The following ZMYND8 variants were observed in gnomAD, a reference collection of about 807,000 sequenced individuals.
The protein encoded by ZMYND8 is MYND-type zinc finger-containing chromatin reader ZMYND8.
In ZMYND8, 37 loss-of-function variants were observed where a neutral mutation model predicts 140.8. The ratio of observed to expected loss-of-function variants is 0.26; its 90% confidence interval spans 0.20 to 0.35. The LOEUF is 0.35. Among genes scored for constraint, ZMYND8 ranks in the 10% least tolerant of loss-of-function variants. ZMYND8 has a pLI of 1.00. For missense variants in ZMYND8, 1,068 were observed against 1,570.0 expected (o/e 0.68, Z 5.40); for synonymous variants, 592 against 597.1 (o/e 0.99, Z 0.12).
chr20:47,317,547 G>A (rs916877560), intron 2 of ZMYND8, among the ~76,000 whole-genome samples: 12 of 152,238 alleles, frequency 7.9e-5, no homozygotes, highest in Non-Finnish European at 1.5e-4. Context: ...TTGTGTTTTT[G>A]TGGGTGTTTA....
chr20:47,347,117 T>TG (rs2082401536), intron 2 of ZMYND8, among the ~76,000 whole-genome samples: 1 of 152,190 alleles, frequency 6.6e-6, no homozygotes, highest in African/African-American at 2.4e-5. Context: ...GAAAACACCT[T>TG]GGTACAACCA....
At chr20:47,279,384 T>C (rs888503824) in intron 10 of ZMYND8, among the ~76,000 whole-genome samples, 2 of 151,916 alleles carry the variant, frequency 1.3e-5, no homozygotes, top group Non-Finnish European at 2.9e-5. Flanking sequence ...GTGGGAGAAT[T>C]GCTTGAATGA....
chr20:47,236,502 CCTT>C lies in ZMYND8; in HGVS notation c.2677_2679del (p.Lys893del). 2.5e-6 allele frequency: 4 copies of C among 1,579,424 alleles called. No homozygotes were observed. In the East Asian group the frequency reaches 6.8e-5, roughly 27 times the overall value. On this transcript the variant is annotated inframe_deletion, in exon 16 of 23. Transcript: ENST00000471951. ...GACGTGGATGGGCTCTGTGTGATCT[CCTT>C]CTGCTGGACAGCTAGGAAGGCAAAG...
intron 12 of ZMYND8, among the ~76,000 whole-genome samples, chr20:47,259,871 C>T (rs1443406647): frequency 6.6e-6 from 1 of 152,148 alleles, no homozygotes; most frequent in African/African-American, 2.4e-5. Context: ...ATTTCAAGAA[C>T]TACCACTCTA....
rs369654557 is a variant in ZMYND8, at chr20:47,255,722, GTATATATATATA to G, written c.1622-6295_1622-6284del. Among the ~76,000 whole-genome samples the G allele has an allele frequency of 5.0e-3, 390 of 77,744 alleles. 12 individuals are homozygous for G. The highest frequency in any genetic ancestry group is 0.02 in the African/African-American group (346 of 17,194). 51.0% of individuals were successfully genotyped at this position (77,744 alleles called of 152,430 possible). A position where few individuals can be genotyped will look rare whatever the true frequency, so the allele number is the denominator to read the frequency against. On this transcript the variant is annotated intron_variant, in intron 12 of 22. Transcript: ENST00000471951. ...ATATATATATATACCGTGTATGTGT[GTATATATATATA>G]TATATATATATATATATATATATAT...
Position 47,262,410 on chromosome 20 carries a change from T to C in ZMYND8, c.1499A>G (p.Lys500Arg), listed in dbSNP as rs538333411. 1 of 1,614,112 alleles carries C rather than the reference T, an allele frequency of 6.2e-7. No homozygotes were observed. The highest frequency in any genetic ancestry group is 1.1e-5 in the South Asian group (1 of 91,080). ...GGATAAACTCCCTGCTTGTCCCGTC[T>C]TGGTGGAGGCTGGTGAAGCTGAAAA... ...DKSTASPAST[K>R]TGQAGSLSGS... Residue 500 changes from lysine (K) to arginine (R), a missense_variant, in exon 12 of 23, where the codon AAG becomes AGG. By Grantham distance (26) the Lys-to-Arg change is conservative (BLOSUM62 2). Around this residue, in one of 10 missense-constraint regions of ZMYND8, gnomAD observed 173 missense variants for 223.3 expected, o/e 0.77. Transcript: ENST00000471951.
At chr20:47,349,522 C>T (rs2082600962) in intron 1 of ZMYND8, among the ~76,000 whole-genome samples, 3 of 152,304 alleles carry the variant, frequency 2.0e-5, no homozygotes, top group South Asian at 4.1e-4. Context: ...AAAACATTCT[C>T]AACTCAGAAA....
rs2147796014 is a variant in ZMYND8, at chr20:47,276,469, C to T, written c.1325G>A (p.Arg442His). ...SKPVLSGGTGRRISLSDMPRS... is the reference protein window; with the variant it reads ...SKPVLSGGTGHRISLSDMPRS... Reference sequence around the variant, plus strand: ...CGGCATATCCGACAAGGAAATCCGGCGGCCTGTGCCCCCACTCAGCACAGG... The same window carrying T: ...CGGCATATCCGACAAGGAAATCCGGTGGCCTGTGCCCCCACTCAGCACAGG... Residue 442 changes from arginine (R) to histidine (H), a missense_variant, in exon 11 of 23, where the codon CGC becomes CAC. By Grantham distance (29) the Arg-to-His change is conservative. Transcript: ENST00000471951. 5.0e-6 allele frequency: 8 copies of T among 1,613,938 alleles called. No homozygotes were observed. Among genetic ancestry groups the T allele is most frequent in the Non-Finnish European group, 5.1e-6 (6 of 1,179,954 alleles).
intron 2 of ZMYND8, among the ~76,000 whole-genome samples, chr20:47,311,269 T>C (rs1329370481): frequency 1.3e-5 from 2 of 152,296 alleles, no homozygotes; most frequent in Non-Finnish European, 2.9e-5. Context: ...AGCCCCACTC[T>C]TGTTCATGCA....
Position 47,252,084 on chromosome 20 carries a change from G to C in ZMYND8, c.1622-2645C>G, listed in dbSNP as rs764065217. The stretch of plus-strand genomic sequence containing the variant: ...CAAGGCGGGAGGATCACTTGAGGTC[G>C]GGGGTTCAAGATCCGCCTGGCTAAC... On this transcript the variant is annotated intron_variant, in intron 12 of 22. Coordinates refer to ENST00000471951, the MANE Select transcript of ZMYND8 (RefSeq NM_001281775.3). Among the ~76,000 whole-genome samples the C allele has an allele frequency of 3.3e-5, 5 of 151,842 alleles. No homozygotes were observed. The South Asian group carries it at 6.2e-4, about 19-fold the overall frequency.
intron 3 of ZMYND8, among the ~76,000 whole-genome samples, chr20:47,302,935 A>G (rs1373042978): frequency 2.0e-5 from 3 of 152,042 alleles, no homozygotes; most frequent in Non-Finnish European, 2.9e-5. Context: ...CCAGAAAAGT[A>G]TTTGTTGTGG....
intron 11 of ZMYND8, among the ~76,000 whole-genome samples, chr20:47,264,910 G>A (rs377044865): frequency 2.6e-5 from 4 of 151,748 alleles, no homozygotes; most frequent in African/African-American, 4.8e-5. Flanking sequence ...GGTGGCACAC[G>A]CCTGTAGTCT....
chr20:47,266,013 T>C (rs2075494718), intron 11 of ZMYND8, among the ~76,000 whole-genome samples: 1 of 152,122 alleles, frequency 6.6e-6, no homozygotes, highest in Non-Finnish European at 1.5e-5. Flanking sequence ...TCCTAAGGCA[T>C]CTGGGACTGC....
At chr20:47,224,601 C>G (rs2037424572) in intron 18 of ZMYND8, 45 bp from the exon 19 acceptor site, 1 of 1,605,846 alleles carries the variant, frequency 6.2e-7, no homozygotes, top group Admixed American at 1.7e-5. Flanking sequence ...TGACCCCAGC[C>G]TGGGGTGTGG....
chr20:47,227,197 C>G lies in ZMYND8; in HGVS notation c.3016+6G>C. 1 of 1,614,160 alleles carries G rather than the reference C, an allele frequency of 6.2e-7. No homozygotes were observed. The highest frequency in any genetic ancestry group is 1.1e-5 in the South Asian group (1 of 91,088). On this transcript the variant is annotated splice_donor_region_variant and intron_variant, in intron 18 of 22. Transcript: ENST00000471951. ...CCTCAGTCCAGACCAGTGTGTCAGG[C>G]CTTACCTAAGTTGTGTTTCATTTCG...
intron 11 of ZMYND8, among the ~76,000 whole-genome samples, chr20:47,273,441 G>T (rs1438406439): frequency 2.0e-5 from 3 of 152,192 alleles, no homozygotes; most frequent in Admixed American, 2.0e-4. Flanking sequence ...AGCTACTCAG[G>T]AGGCTGAGGT....
At chr20:47,266,431 C>T (rs978955239) in intron 11 of ZMYND8, among the ~76,000 whole-genome samples, 2 of 152,146 alleles carry the variant, frequency 1.3e-5, no homozygotes. Flanking sequence ...CAGGCGCCCA[C>T]CACCACGCCC....
At chr20:47,296,437 C>T (rs973642309) in intron 4 of ZMYND8, among the ~76,000 whole-genome samples, 9 of 152,108 alleles carry the variant, frequency 5.9e-5, no homozygotes, top group African/African-American at 2.2e-4. Context: ...AAAAGAGATG[C>T]AAGGAGAGAC....
chr20:47,287,316 A>AT, intron 7 of ZMYND8, 32 bp from the exon 8 acceptor site: 1 of 1,577,608 alleles, frequency 6.3e-7, no homozygotes, highest in Non-Finnish European at 8.7e-7. Flanking sequence ...ATTAATTCTA[A>AT]TGGAAATACC....
Sources: gnomAD v4.1 joint callset for allele counts (sites outside exome capture counted in the v4.1 genomes callset) on GRCh38, gnomAD v4.1.1 for gene constraint, gnomAD v4.1.1 regional missense constraint, MANE v1.5 for transcripts, NCBI Gene and HGNC (gene_info 2026-07-23, HGNC 2026-07-21) for gene names.